The following MDGA2 variants were observed in gnomAD, a reference collection of about 807,000 sequenced individuals.
MDGA2 encodes the protein MAM domain-containing glycosylphosphatidylinositol anchor protein 2.
A neutral mutation model predicts 117.8 loss-of-function variants in MDGA2; 40 were observed. The ratio of observed to expected loss-of-function variants is 0.34; its 90% confidence interval spans 0.26 to 0.44. MDGA2 has a LOEUF of 0.44. Among genes scored for constraint, MDGA2 ranks in the 20% least tolerant of loss-of-function variants. The pLI is 1.00. For missense variants in MDGA2, 1,123 were observed against 1,250.6 expected (o/e 0.90, Z 1.54); for synonymous variants, 452 against 439.0 (o/e 1.03, Z -0.37).
chr14:47,520,757 G>T (rs1894852838), intron 1 of MDGA2, among the ~76,000 whole-genome samples: 1 of 152,088 alleles, frequency 6.6e-6, no homozygotes, highest in Non-Finnish European at 1.5e-5. Context: ...AACACTGAAG[G>T]AACCAGTGAC....
chr14:47,414,367 C>G (rs2138492669), intron 1 of MDGA2, among the ~76,000 whole-genome samples: 1 of 152,154 alleles, frequency 6.6e-6, no homozygotes, highest in East Asian at 1.9e-4. Context: ...AACAAATGAC[C>G]ACTTCATCAA....
At chr14:47,430,568 CA>C (rs1001310077) in intron 1 of MDGA2, among the ~76,000 whole-genome samples, 2 of 150,938 alleles carry the variant, frequency 1.3e-5, no homozygotes, top group East Asian at 1.9e-4. Flanking sequence ...CTGTGGAAAA[CA>C]AAAAAAGGGG....
chr14:47,322,294 A>G (rs2139879188), intron 1 of MDGA2, among the ~76,000 whole-genome samples: 1 of 152,292 alleles, frequency 6.6e-6, no homozygotes, highest in African/African-American at 2.4e-5. Context: ...ATATAAAATA[A>G]CATTTTCTCT....
chr14:47,185,878 C>G (rs999196488), intron 3 of MDGA2, among the ~76,000 whole-genome samples: 2 of 151,272 alleles, frequency 1.3e-5, no homozygotes, highest in African/African-American at 4.8e-5. Flanking sequence ...ATAAAAGATA[C>G]AAAAAACCCA....
chr14:47,244,589 G>A lies in MDGA2; in HGVS notation c.421-26394C>T, dbSNP rs148344902. Reference sequence around the variant, plus strand: ...AATTTTGCTTATATCCTTTTCATTTGACTCTTGGATCTATGTCAATACTGA... The same window carrying A: ...AATTTTGCTTATATCCTTTTCATTTAACTCTTGGATCTATGTCAATACTGA... On this transcript the variant is annotated intron_variant, in intron 2 of 16. Transcript: ENST00000399232. Among the ~76,000 whole-genome samples the A allele has an allele frequency of 4.9e-4, 75 of 151,580 alleles. 1 individual carries two copies. The highest frequency in any genetic ancestry group is 1.8e-3 in the African/African-American group (73 of 41,396).
At chr14:47,665,107 C>T in intron 1 of MDGA2, among the ~76,000 whole-genome samples, 1 of 152,102 alleles carries the variant, frequency 6.6e-6, no homozygotes, top group South Asian at 2.1e-4. Context: ...TCTTTCTGCA[C>T]CACTGTTCCT....
chr14:46,990,866 CCA>C (rs201132208), intron 8 of MDGA2, among the ~76,000 whole-genome samples: 29,209 of 140,434 alleles, frequency 0.21, 3,044 homozygotes, highest in African/African-American at 0.3. Flanking sequence ...ACACACACAC[CCA>C]CACACACACA....
intron 5 of MDGA2, among the ~76,000 whole-genome samples, chr14:47,131,096 G>T (rs564031098): frequency 2.0e-5 from 3 of 151,776 alleles, no homozygotes; most frequent in African/African-American, 7.2e-5. Flanking sequence ...ATTTATTAAA[G>T]TAATTCTTTA....
At chr14:47,295,287 T>C (rs956457391) in intron 2 of MDGA2, among the ~76,000 whole-genome samples, 1 of 152,194 alleles carries the variant, frequency 6.6e-6, no homozygotes, top group African/African-American at 2.4e-5. Flanking sequence ...GGCATACCTA[T>C]GTTTATTATT....
chr14:47,670,653 A>G (rs553048937), intron 1 of MDGA2, among the ~76,000 whole-genome samples: 1 of 152,306 alleles, frequency 6.6e-6, no homozygotes, highest in African/African-American at 2.4e-5. Flanking sequence ...CAATTCTTGA[A>G]GCTACATCGA....
rs528893061 is a variant in MDGA2, at chr14:46,855,914, G to A, written c.2753-760C>T. On this transcript the variant is annotated intron_variant, in intron 14 of 16. Transcript: ENST00000399232. The surrounding 1 kb of genome is among the most constrained non-coding windows in gnomAD (Gnocchi z 4.1). ...CATTTTTCTTCTAAAAGAGTTATTGGAAAATAAAATGAAGATAGCTTTTAT... is the reference window on the plus strand; with the variant it reads ...CATTTTTCTTCTAAAAGAGTTATTGAAAAATAAAATGAAGATAGCTTTTAT... Among the ~76,000 whole-genome samples, 251 of 151,928 alleles carry A rather than the reference G, an allele frequency of 1.7e-3. 2 individuals are homozygous for A. Among genetic ancestry groups the A allele is most frequent in the South Asian group, 3.1e-3 (15 of 4,802 alleles).
At chr14:46,949,864 TACTC>T (rs1268145750) in intron 9 of MDGA2, among the ~76,000 whole-genome samples, 1 of 151,854 alleles carries the variant, frequency 6.6e-6, no homozygotes, top group African/African-American at 2.4e-5. Context: ...TTTGGGTAGA[TACTC>T]AGTAGTGGGA....
intron 7 of MDGA2, among the ~76,000 whole-genome samples, chr14:47,035,779 G>A (rs1206328373): frequency 6.6e-6 from 1 of 152,020 alleles, no homozygotes; most frequent in Non-Finnish European, 1.5e-5. Flanking sequence ...TTTGCCTAGT[G>A]GGAGTGAAAT....
At chr14:47,428,937 A>T (rs1013128308) in intron 1 of MDGA2, among the ~76,000 whole-genome samples, 2 of 152,030 alleles carry the variant, frequency 1.3e-5, no homozygotes, top group African/African-American at 4.8e-5. Context: ...TCAAATCACA[A>T]ACTGATAATG....
At chr14:46,985,752 A>C (rs1057138701) in intron 8 of MDGA2, among the ~76,000 whole-genome samples, 2 of 152,088 alleles carry the variant, frequency 1.3e-5, no homozygotes, top group African/African-American at 4.8e-5. Flanking sequence ...TCATGAAAAT[A>C]ACACAAAGCA....
intron 1 of MDGA2, among the ~76,000 whole-genome samples, chr14:47,386,244 C>T (rs2138427959): frequency 6.6e-6 from 1 of 152,178 alleles, no homozygotes; most frequent in Admixed American, 6.5e-5. Context: ...TCGCACCATG[C>T]ACTCCAGTGT....
intron 1 of MDGA2, among the ~76,000 whole-genome samples, chr14:47,671,541 TAACCTAG>T (rs1340473590): frequency 6.6e-6 from 1 of 152,196 alleles, no homozygotes; most frequent in Non-Finnish European, 1.5e-5. Context: ...TTTGCCTGAG[TAACCTAG>T]AAAATCATTT....
At position 47,233,410 on chromosome 14, in the gene MDGA2, C is replaced by A. The variant is rs180701159; in HGVS notation, c.421-15215G>T. Among the ~76,000 whole-genome samples, 839 of 152,170 alleles carry A rather than the reference C, an allele frequency of 5.5e-3. 4 individuals are homozygous for A. The highest frequency in any genetic ancestry group is 9.6e-3 in the Non-Finnish European group (651 of 67,966). ...ATAAAGATTTGGTCGTCTCTCCTTACGCGCTTAGTTTTCAAGCTAGCAATT... is the reference window on the plus strand; with the variant it reads ...ATAAAGATTTGGTCGTCTCTCCTTAAGCGCTTAGTTTTCAAGCTAGCAATT... On this transcript the variant is annotated intron_variant, in intron 2 of 16. Coordinates refer to ENST00000399232, the MANE Select transcript of MDGA2 (RefSeq NM_001113498.3).
chr14:47,488,462 T>TGG (rs1894104137), intron 1 of MDGA2, among the ~76,000 whole-genome samples: 1 of 152,092 alleles, frequency 6.6e-6, no homozygotes, highest in Non-Finnish European at 1.5e-5. Context: ...GTCTTAACAA[T>TGG]GTATCATAGA....
Sources: gnomAD v4.1 joint callset for allele counts (sites outside exome capture counted in the v4.1 genomes callset) on GRCh38, gnomAD v4.1.1 for gene constraint, Gnocchi (gnomAD v3.1) non-coding constraint, MANE v1.5 for transcripts, NCBI Gene and HGNC (gene_info 2026-07-23, HGNC 2026-07-21) for gene names.